Variants in LGSN observed in about 807,000 individuals in gnomAD.
LGSN encodes lengsin.
LGSN carries 21 observed loss-of-function variants against 19.5 expected under a neutral mutation model. The ratio of observed to expected loss-of-function variants is 1.07; its 90% CI spans 0.76 to 1.55. The LOEUF is 1.55. LGSN is among the 40% of genes most tolerant of loss of function. The pLI is 0.00. For missense variants in LGSN, 673 were observed against 608.5 expected, an observed-to-expected ratio of 1.11 and a Z score of -1.12; for synonymous variants, 257 against 215.6, an observed-to-expected ratio of 1.19 and a Z score of -1.68.
At chr6:63,373,863 A>T in the LGSN span, among the ~76,000 whole-genome samples, 1 of 151,650 alleles carries the variant, frequency 6.6e-6, no homozygotes, top group Non-Finnish European at 1.5e-5. Context: ...TGAACCCAGG[A>T]GCTGGAGGTT....
the LGSN span, among the ~76,000 whole-genome samples, chr6:63,556,645 G>A: frequency 6.6e-6 from 1 of 152,206 alleles, no homozygotes; most frequent in Admixed American, 6.5e-5. Flanking sequence ...TTGCCAAAAA[G>A]ATCAGCATGT....
At chr6:63,487,587 G>A in the LGSN span, among the ~76,000 whole-genome samples, 1 of 152,192 alleles carries the variant, frequency 6.6e-6, no homozygotes, top group African/African-American at 2.4e-5. Context: ...TGGGCTTCAG[G>A]AGACAGATCC....
the LGSN span, among the ~76,000 whole-genome samples, chr6:63,482,526 T>G: frequency 6.6e-6 from 1 of 152,096 alleles, no homozygotes; most frequent in Non-Finnish European, 1.5e-5. Flanking sequence ...ACCAAGAGTT[T>G]GAGATCAGCC....
the LGSN span, chr6:63,396,409 A>G: frequency 4.9e-6 from 1 of 205,800 alleles, no homozygotes; most frequent in Non-Finnish European, 1.0e-5. Flanking sequence ...TATTCTCTAG[A>G]CCTCAAGATG....
the LGSN span, among the ~76,000 whole-genome samples, chr6:63,522,927 C>T: frequency 1.3e-5 from 2 of 149,110 alleles, no homozygotes; most frequent in Non-Finnish European, 1.5e-5. Context: ...TGCAGCAGCA[C>T]GATCTCAGCT....
chr6:63,391,857 C>T, the LGSN span, among the ~76,000 whole-genome samples: 3 of 152,176 alleles, frequency 2.0e-5, no homozygotes, highest in Non-Finnish European at 4.4e-5. Context: ...AGCTGTCTTT[C>T]ATAGAAGAGG....
chr6:63,315,500 G>T (rs1198994084), intron 1 of LGSN, among the ~76,000 whole-genome samples: 1 of 151,844 alleles, frequency 6.6e-6, no homozygotes, highest in African/African-American at 2.4e-5. Flanking sequence ...TTTCACAGTA[G>T]TTACCCTCAA....
chr6:63,472,518 A>G, the LGSN span, among the ~76,000 whole-genome samples: 1 of 152,202 alleles, frequency 6.6e-6, no homozygotes, highest in Admixed American at 6.5e-5. Flanking sequence ...GAGAGAGTCA[A>G]TCTCTGGAAT....
chr6:63,315,943 G>C (rs1768833133), intron 1 of LGSN, among the ~76,000 whole-genome samples: 1 of 150,140 alleles, frequency 6.7e-6, no homozygotes, highest in Non-Finnish European at 1.5e-5. Flanking sequence ...GTAAAACAAA[G>C]CACAGAAGGA....
At chr6:63,380,106 A>G in the LGSN span, among the ~76,000 whole-genome samples, 16 of 152,218 alleles carry the variant, frequency 1.1e-4, no homozygotes, top group African/African-American at 3.9e-4. Flanking sequence ...CCAAAGTGCT[A>G]GGATTACAGG....
chr6:63,509,175 G>C, the LGSN span, among the ~76,000 whole-genome samples: 1 of 150,860 alleles, frequency 6.6e-6, no homozygotes, highest in African/African-American at 2.4e-5. Flanking sequence ...AGCGATTCTT[G>C]AGGTTCAGCC....
the LGSN span, among the ~76,000 whole-genome samples, chr6:63,336,036 C>G: frequency 3.3e-5 from 5 of 151,474 alleles, no homozygotes; most frequent in East Asian, 9.6e-4. Context: ...AAGTTGATCA[C>G]ATAGAGGTAA....
At chr6:63,567,478 C>G in the LGSN span, among the ~76,000 whole-genome samples, 30 of 152,154 alleles carry the variant, frequency 2.0e-4, no homozygotes, top group African/African-American at 7.2e-4. Context: ...AAATAAATCA[C>G]GTTTTATCAG....
chr6:63,387,361 C>T, the LGSN span, among the ~76,000 whole-genome samples: 53 of 151,994 alleles, frequency 3.5e-4, no homozygotes, highest in African/African-American at 1.2e-3. Context: ...ATTCCTAAAA[C>T]GACAGAGTAT....
the LGSN span, among the ~76,000 whole-genome samples, chr6:63,377,303 C>T: frequency 2.6e-5 from 4 of 152,170 alleles, no homozygotes; most frequent in African/African-American, 9.7e-5. Flanking sequence ...AGAGGTCTAA[C>T]AATCAACCAG....
chr6:63,449,217 G>A, the LGSN span, among the ~76,000 whole-genome samples: 3 of 152,204 alleles, frequency 2.0e-5, no homozygotes, highest in African/African-American at 7.2e-5. Flanking sequence ...CAGGACAGCA[G>A]AGAAAGAGAG....
At chr6:63,359,754 A>G in the LGSN span, among the ~76,000 whole-genome samples, 2 of 152,074 alleles carry the variant, frequency 1.3e-5, no homozygotes, top group Admixed American at 6.5e-5. Context: ...CTGGTGGTCT[A>G]TCAATTTTGT....
the LGSN span, among the ~76,000 whole-genome samples, chr6:63,515,941 T>A: frequency 6.6e-6 from 1 of 152,252 alleles, no homozygotes; most frequent in Non-Finnish European, 1.5e-5. Flanking sequence ...AGAAGTAACA[T>A]AGTCTGATTT....
At chr6:63,412,772 G>GAAAGAAAGAAACAAAGA in the LGSN span, among the ~76,000 whole-genome samples, 55 of 41,196 alleles carry the variant, frequency 1.3e-3, no homozygotes, top group Non-Finnish European at 2.1e-3. Flanking sequence ...AGAAAGAAAG[G>GAAAGAAAGAAACAAAGA]AAGGAAGGGA....
Sources: allele counts gnomAD v4.1 joint callset (sites outside exome capture counted in the v4.1 genomes callset), GRCh38; gene constraint gnomAD v4.1.1; transcripts MANE v1.5; gene names NCBI Gene and HGNC (gene_info 2026-07-23, HGNC 2026-07-21).